CPED1: variants seen among roughly 807,000 people sequenced by gnomAD.
The protein encoded by CPED1 is cadherin-like and PC-esterase domain-containing protein 1.
In CPED1, 114 loss-of-function variants were observed where a neutral mutation model predicts 128.2. The observed-to-expected ratio is 0.89, with a 90% CI of 0.76 to 1.04. CPED1 has a LOEUF of 1.04. Among genes scored for constraint, CPED1 ranks in the 50% least tolerant of loss-of-function variants. The pLI is 0.00. For missense variants in CPED1, 1,211 were observed against 1,207.1 expected (o/e 1.00, Z -0.05); for synonymous variants, 462 against 426.7 (o/e 1.08, Z -1.02).
intron 16 of CPED1, among the ~76,000 whole-genome samples, chr7:121,177,062 G>A (rs941226436): frequency 2.6e-5 from 4 of 152,002 alleles, no homozygotes; most frequent in Non-Finnish European, 5.9e-5. Context: ...TGGCAGTAGC[G>A]TAGATTTTGG....
intron 5 of CPED1, among the ~76,000 whole-genome samples, chr7:121,073,964 A>G (rs554719249): frequency 3.9e-5 from 6 of 152,172 alleles, no homozygotes; most frequent in South Asian, 4.2e-4. Context: ...GGCTTTTTCT[A>G]TAGCAACAGT....
intron 3 of CPED1, among the ~76,000 whole-genome samples, chr7:121,043,548 A>G (rs1793113339): frequency 2.0e-5 from 3 of 152,210 alleles, no homozygotes; most frequent in Admixed American, 2.0e-4. Context: ...TACATGGAAC[A>G]TCAATTTGTC....
intron 16 of CPED1, among the ~76,000 whole-genome samples, chr7:121,200,514 A>G (rs925869260): frequency 7.9e-5 from 12 of 152,130 alleles, no homozygotes; most frequent in Admixed American, 5.2e-4. Context: ...GGAAAAAGGC[A>G]AAATGGAGAG....
At chr7:121,199,697 A>AAAAG (rs71170232) in intron 16 of CPED1, among the ~76,000 whole-genome samples, 8,324 of 41,168 alleles carry the variant, frequency 0.2, 272 homozygotes, top group South Asian at 0.25. Context: ...AAAAAAAAAA[A>AAAAG]AAAGAAAGAA....
chr7:121,034,247 C>CTTTTTTTTT (rs3067998), intron 3 of CPED1, among the ~76,000 whole-genome samples: 4 of 113,954 alleles, frequency 3.5e-5, no homozygotes, highest in Non-Finnish European at 5.1e-5. Flanking sequence ...GTTTTTTTTT[C>CTTTTTTTTT]TTTTTTTTTT....
At chr7:121,023,712 A>C (rs1451416849) in intron 3 of CPED1, among the ~76,000 whole-genome samples, 1 of 152,128 alleles carries the variant, frequency 6.6e-6, no homozygotes. Context: ...AATAGTGCAC[A>C]TTTATAGCAG....
intron 21 of CPED1, among the ~76,000 whole-genome samples, chr7:121,268,453 CT>C (rs1317271788): frequency 6.6e-6 from 1 of 151,990 alleles, no homozygotes; most frequent in Non-Finnish European, 1.5e-5. Context: ...TCTTTTCAAA[CT>C]GAGTGAAGAC....
intron 16 of CPED1, among the ~76,000 whole-genome samples, chr7:121,146,466 A>G (rs886999789): frequency 1.3e-5 from 2 of 152,110 alleles, no homozygotes; most frequent in African/African-American, 2.4e-5. Flanking sequence ...CCAAATAACC[A>G]AAGAAGAAGA....
At chr7:121,007,096 C>G (rs1474682504) in intron 2 of CPED1, among the ~76,000 whole-genome samples, 5 of 152,070 alleles carry the variant, frequency 3.3e-5, no homozygotes, top group Admixed American at 3.3e-4. Flanking sequence ...CCTTTAATTT[C>G]TTTCTGCCTC....
chr7:120,998,217 C>T (rs979978034), intron 2 of CPED1, among the ~76,000 whole-genome samples: 8 of 152,170 alleles, frequency 5.3e-5, no homozygotes, highest in African/African-American at 7.2e-5. Context: ...AAGCAAGCTT[C>T]TCTTGTTTTA....
chr7:121,162,447 A>T (rs914891480), intron 16 of CPED1, among the ~76,000 whole-genome samples: 6 of 152,250 alleles, frequency 3.9e-5, no homozygotes, highest in African/African-American at 1.4e-4. Flanking sequence ...ACATCAGTTC[A>T]TGTCTTCTGA....
intron 3 of CPED1, among the ~76,000 whole-genome samples, chr7:121,041,482 C>T (rs1405786282): frequency 2.6e-5 from 4 of 152,032 alleles, no homozygotes; most frequent in Non-Finnish European, 2.9e-5. Flanking sequence ...TTACGTGTGC[C>T]AGAAAATTAA....
At chr7:121,122,342 T>C (rs1259407093) in intron 7 of CPED1, among the ~76,000 whole-genome samples, 1 of 152,152 alleles carries the variant, frequency 6.6e-6, no homozygotes, top group African/African-American at 2.4e-5. Flanking sequence ...GGTTTCATCA[T>C]GTTGGCCAGG....
At chr7:121,278,739 T>C (rs1432789404) in intron 22 of CPED1, among the ~76,000 whole-genome samples, 1 of 152,108 alleles carries the variant, frequency 6.6e-6, no homozygotes, top group Non-Finnish European at 1.5e-5. Flanking sequence ...AAAATCCTGT[T>C]TCAAAGGGAG....
At chr7:121,010,028 G>A (rs1336327923) in intron 2 of CPED1, among the ~76,000 whole-genome samples, 1 of 152,014 alleles carries the variant, frequency 6.6e-6, no homozygotes, top group Non-Finnish European at 1.5e-5. Flanking sequence ...TTAGAACCTG[G>A]CAGTAAGTTG....
intron 22 of CPED1, among the ~76,000 whole-genome samples, chr7:121,289,049 A>G (rs866833206): frequency 2.0e-5 from 3 of 152,162 alleles, no homozygotes; most frequent in African/African-American, 7.2e-5. Flanking sequence ...ATAAGGGTGG[A>G]AAGAGCTGTA....
At chr7:121,105,477 C>A (rs1384589516) in intron 7 of CPED1, among the ~76,000 whole-genome samples, 1 of 152,034 alleles carries the variant, frequency 6.6e-6, no homozygotes, top group Admixed American at 6.6e-5. Context: ...GAGCATCTGG[C>A]CCTTCGCTAG....
chr7:121,256,111 CA>C (rs1286167648), intron 18 of CPED1, among the ~76,000 whole-genome samples: 18 of 34,140 alleles, frequency 5.3e-4, no homozygotes, highest in East Asian at 8.9e-4. Context: ...CAATCCTAAG[CA>C]AAAAAAAAAA....
At chr7:121,104,102 A>G (rs1280401350) in intron 7 of CPED1, among the ~76,000 whole-genome samples, 3 of 152,116 alleles carry the variant, frequency 2.0e-5, no homozygotes, top group Non-Finnish European at 4.4e-5. Flanking sequence ...TCGCAAATGT[A>G]ATATTTGCTT....
Sources: allele counts gnomAD v4.1 joint callset (sites outside exome capture counted in the v4.1 genomes callset), GRCh38; gene constraint gnomAD v4.1.1; transcripts MANE v1.5; gene names NCBI Gene and HGNC (gene_info 2026-07-23, HGNC 2026-07-21).